Variants in TP63 observed in about 807,000 individuals in gnomAD.
TP63 encodes the protein tumor protein p63.
Under a neutral mutation model 82.8 loss-of-function variants are expected in TP63, and 17 were observed. The observed-to-expected ratio is 0.21, with a 90% CI of 0.14 to 0.31. TP63 has a LOEUF of 0.31. Among genes scored for constraint, TP63 ranks in the 10% least tolerant of loss-of-function variants. TP63 has a pLI of 1.00. For missense variants in TP63, 648 were observed against 895.3 expected (o/e 0.72, Z 3.52); for synonymous variants, 330 against 321.7 (o/e 1.03, Z -0.28).
intron 4 of TP63, among the ~76,000 whole-genome samples, chr3:189,810,614 T>A (rs534415774): frequency 2.0e-5 from 3 of 152,094 alleles, no homozygotes; most frequent in East Asian, 3.9e-4. Flanking sequence ...TCCCAGCACT[T>A]TGGGAGGCTG....
chr3:189,872,279 A>G (rs948716069), intron 9 of TP63, among the ~76,000 whole-genome samples: 18 of 152,036 alleles, frequency 1.2e-4, no homozygotes, highest in African/African-American at 4.1e-4. Context: ...AGAATAATAT[A>G]TCACTTCGTT....
intron 4 of TP63, among the ~76,000 whole-genome samples, chr3:189,861,207 T>C (rs1361195752): frequency 6.6e-6 from 1 of 152,164 alleles, no homozygotes; most frequent in Non-Finnish European, 1.5e-5. Flanking sequence ...CGACCACATG[T>C]GTCTTCACTA....
chr3:189,611,907 T>C, the TP63 span, among the ~76,000 whole-genome samples: 2,877 of 152,304 alleles, frequency 0.019, 100 homozygotes, highest in African/African-American at 0.066. Context: ...TGGGATTGCC[T>C]TTCTGATCTG....
intron 5 of TP63, among the ~76,000 whole-genome samples, chr3:189,866,181 AAT>A: frequency 6.6e-6 from 1 of 152,204 alleles, no homozygotes; most frequent in Non-Finnish European, 1.5e-5. Context: ...TTATCTTTAT[AAT>A]CAACACAATG....
At chr3:189,633,617 G>T (rs1729595057) in intron 1 of TP63, among the ~76,000 whole-genome samples, 1 of 152,052 alleles carries the variant, frequency 6.6e-6, no homozygotes, top group East Asian at 1.9e-4. Flanking sequence ...TTCCTAGAAT[G>T]CCCTGGGCTT....
chr3:189,868,399 T>G (rs1227210321), intron 7 of TP63, among the ~76,000 whole-genome samples, 181 bp from the exon 8 acceptor site: 1 of 152,230 alleles, frequency 6.6e-6, no homozygotes, highest in Non-Finnish European at 1.5e-5. Flanking sequence ...TAATATTACT[T>G]GTGGCATGTT....
At chr3:189,865,821 C>T (rs1163452584) in intron 5 of TP63, among the ~76,000 whole-genome samples, 2 of 152,196 alleles carry the variant, frequency 1.3e-5, no homozygotes, top group African/African-American at 4.8e-5. Context: ...TTATCAGCCT[C>T]CCTAACTTGG....
At chr3:189,669,958 A>G (rs565090654) in intron 1 of TP63, among the ~76,000 whole-genome samples, 38 of 152,174 alleles carry the variant, frequency 2.5e-4, no homozygotes, top group Non-Finnish European at 4.6e-4. Context: ...AAACATTCCT[A>G]TTAAACAGTA....
At chr3:189,854,690 A>G (rs1716073163) in intron 4 of TP63, among the ~76,000 whole-genome samples, 1 of 152,246 alleles carries the variant, frequency 6.6e-6, no homozygotes, top group Admixed American at 6.5e-5. Flanking sequence ...GAAAGCTGCA[A>G]ACACTAGCTG....
At chr3:189,665,737 AACTAATAC>A (rs559775297) in intron 1 of TP63, among the ~76,000 whole-genome samples, 52 of 152,214 alleles carry the variant, frequency 3.4e-4, no homozygotes, top group Non-Finnish European at 5.1e-4. Context: ...AAAGTAACCT[AACTAATAC>A]ACCAATTACC....
intron 4 of TP63, among the ~76,000 whole-genome samples, chr3:189,861,437 G>A (rs756697395): frequency 6.6e-6 from 1 of 151,558 alleles, no homozygotes; most frequent in African/African-American, 2.4e-5. Context: ...GTGGGTGGGG[G>A]TGGAGGGGTA....
At chr3:189,621,279 A>G in the TP63 span, among the ~76,000 whole-genome samples, 1 of 152,164 alleles carries the variant, frequency 6.6e-6, no homozygotes, top group East Asian at 1.9e-4. Flanking sequence ...TACATTTTCC[A>G]TACCATGGAA....
At chr3:189,855,573 A>T (rs1716185587) in intron 4 of TP63, among the ~76,000 whole-genome samples, 1 of 152,138 alleles carries the variant, frequency 6.6e-6, no homozygotes, top group Non-Finnish European at 1.5e-5. Context: ...ATAATGGTAT[A>T]TCCCTTTTTA....
chr3:189,623,176 A>G, the TP63 span, among the ~76,000 whole-genome samples: 6 of 152,200 alleles, frequency 3.9e-5, no homozygotes, highest in Admixed American at 1.3e-4. Context: ...TCTCAATTGC[A>G]TCTCCTTGCC....
intron 1 of TP63, among the ~76,000 whole-genome samples, chr3:189,730,194 C>G (rs1207927350): frequency 1.3e-5 from 2 of 152,126 alleles, no homozygotes; most frequent in Non-Finnish European, 1.5e-5. Context: ...CTTCCAGAGT[C>G]TTTGAGGGCT....
intron 4 of TP63, among the ~76,000 whole-genome samples, chr3:189,853,799 G>A (rs1715947728): frequency 6.6e-6 from 1 of 152,046 alleles, no homozygotes; most frequent in South Asian, 2.1e-4. Context: ...ACAGAGCCTT[G>A]GTAATAGTAT....
intron 3 of TP63, among the ~76,000 whole-genome samples, chr3:189,792,440 G>C (rs188596366): frequency 6.6e-6 from 1 of 152,130 alleles, no homozygotes; most frequent in East Asian, 1.9e-4. Context: ...ACAAAACTGG[G>C]CTGTGTGTGT....
chr3:189,672,664 A>AGAAGGAAGGAAG (rs71173301), intron 1 of TP63, among the ~76,000 whole-genome samples: 4,629 of 117,696 alleles, frequency 0.039, 183 homozygotes, highest in Middle Eastern at 0.11. Flanking sequence ...AAGGAAGGAA[A>AGAAGGAAGGAAG]GAAGGAAGGA....
At chr3:189,598,001 A>G in the TP63 span, among the ~76,000 whole-genome samples, 4 of 152,164 alleles carry the variant, frequency 2.6e-5, no homozygotes, top group African/African-American at 9.7e-5. Flanking sequence ...CCAGAGACTT[A>G]AAATTTACAA....
Sources: allele counts gnomAD v4.1 joint callset (sites outside exome capture counted in the v4.1 genomes callset), GRCh38; gene constraint gnomAD v4.1.1; transcripts MANE v1.5; gene names NCBI Gene and HGNC (gene_info 2026-07-23, HGNC 2026-07-21).